ST6GAL1: variants seen among roughly 807,000 people sequenced by gnomAD.
ST6GAL1 encodes the protein beta-galactoside alpha-2,6-sialyltransferase 1.
In ST6GAL1, 20 loss-of-function variants were observed where a neutral mutation model predicts 38.0. The ratio of observed to expected loss-of-function variants is 0.53; its 90% CI spans 0.37 to 0.77. The LOEUF is 0.77. ST6GAL1 is among the 30% of genes least tolerant of loss of function. ST6GAL1 has a pLI of 0.00. For missense variants in ST6GAL1, 432 were observed against 496.4 expected (o/e 0.87, Z 1.23); for synonymous variants, 196 against 188.2 (o/e 1.04, Z -0.34).
Position 186,984,766 on chromosome 3 carries a change from C to T in ST6GAL1, c.-183+20840C>T, listed in dbSNP as rs1477881451. Among the ~76,000 whole-genome samples the T allele has an allele frequency of 5.1e-4, 14 of 27,394 alleles. 1 individual carries two copies. Among genetic ancestry groups the T allele is most frequent in the African/African-American group, 9.2e-4 (7 of 7,594 alleles). 18.0% of individuals were successfully genotyped at this position (27,394 alleles called of 152,430 possible). A position where few individuals can be genotyped will look rare whatever the true frequency, so the allele number is the denominator to read the frequency against. ...TCCCTCCCTCCCTCCCTCCCTCCCT[C>T]CTTCCTTCCTTCCCTTCCTCCCTTC... On this transcript the variant is annotated intron_variant, in intron 2 of 7. Transcript: ENST00000169298.
At chr3:187,008,425 C>T (rs1009277063) in intron 2 of ST6GAL1, among the ~76,000 whole-genome samples, 5 of 152,078 alleles carry the variant, frequency 3.3e-5, no homozygotes, top group African/African-American at 1.2e-4. Flanking sequence ...GTCCATTTCT[C>T]ATCCAAAACC....
At chr3:186,944,900 G>C (rs1714303061) in intron 1 of ST6GAL1, among the ~76,000 whole-genome samples, 2 of 152,196 alleles carry the variant, frequency 1.3e-5, no homozygotes, top group Non-Finnish European at 2.9e-5. Flanking sequence ...CCAGCTGAGA[G>C]GCCATATGCC....
intron 1 of ST6GAL1, among the ~76,000 whole-genome samples, chr3:186,957,586 A>AACATTGAAAGG (rs1302270180): frequency 8.5e-5 from 13 of 152,210 alleles, no homozygotes; most frequent in Admixed American, 7.9e-4. Context: ...AAACTTTGAG[A>AACATTGAAAGG]ACATTGAAAG....
At chr3:186,963,521 T>C (rs1038157516) in intron 1 of ST6GAL1, among the ~76,000 whole-genome samples, 3 of 152,240 alleles carry the variant, frequency 2.0e-5, no homozygotes, top group African/African-American at 7.2e-5. Context: ...TAACCCTTGC[T>C]TTTTCTTACC....
chr3:187,039,361 C>T (rs962203539), intron 3 of ST6GAL1, among the ~76,000 whole-genome samples: 1 of 152,212 alleles, frequency 6.6e-6, no homozygotes. Flanking sequence ...AGTATCCGCT[C>T]TGGTCCAGGC....
intron 2 of ST6GAL1, among the ~76,000 whole-genome samples, chr3:187,023,584 A>G (rs1018168214): frequency 6.6e-6 from 1 of 152,188 alleles, no homozygotes; most frequent in Non-Finnish European, 1.5e-5. Flanking sequence ...CGTCCTTTGT[A>G]GGGACATGGA....
intron 1 of ST6GAL1, among the ~76,000 whole-genome samples, chr3:186,944,412 T>C (rs898768409): frequency 3.3e-5 from 5 of 152,212 alleles, no homozygotes; most frequent in African/African-American, 1.2e-4. Flanking sequence ...GGGACATCTT[T>C]TGCCTATTCT....
chr3:187,007,135 A>G (rs574779899), intron 2 of ST6GAL1, among the ~76,000 whole-genome samples: 1 of 152,366 alleles, frequency 6.6e-6, no homozygotes, highest in African/African-American at 2.4e-5. Flanking sequence ...AACTTGAACA[A>G]TGACTCACGA....
intron 1 of ST6GAL1, chr3:186,942,228 A>G (rs1244439992): frequency 6.6e-6 from 1 of 152,242 alleles, no homozygotes; most frequent in African/African-American, 2.4e-5. Context: ...AAGGTGGAAT[A>G]AGATGGAAGC....
At chr3:186,961,666 T>A (rs1161884414) in intron 1 of ST6GAL1, among the ~76,000 whole-genome samples, 2 of 152,044 alleles carry the variant, frequency 1.3e-5, no homozygotes, top group Admixed American at 1.3e-4. Context: ...ATGAGGCTGG[T>A]CAGCTGGAAA....
At chr3:186,995,848 A>G in intron 2 of ST6GAL1, among the ~76,000 whole-genome samples, 1 of 151,648 alleles carries the variant, frequency 6.6e-6, no homozygotes, top group East Asian at 1.9e-4. Flanking sequence ...TGTCTTGAGA[A>G]AAAAAAAAGA....
Position 187,074,140 on chromosome 3 carries a change from C to A in ST6GAL1, c.805-19C>A. On this transcript the variant is annotated intron_variant, in intron 6 of 7. Coordinates refer to ENST00000169298, the MANE Select transcript of ST6GAL1 (RefSeq NM_173216.2). ...CTGGCCCATTTCTCCCTTGAGAGGA[C>A]CACTTCTTTCTTTTTCAGTGGTACC... 1 of 1,590,818 alleles carries A rather than the reference C, an allele frequency of 6.3e-7. No individual in the cohort carries two copies. Among genetic ancestry groups the A allele is most frequent in the Non-Finnish European group, 8.6e-7 (1 of 1,168,726 alleles).
At position 186,970,317 on chromosome 3, in the gene ST6GAL1, C is replaced by G. The variant is rs989831937; in HGVS notation, c.-183+6391C>G. ...GCAACCACCGCCTCCCAGGTTCAAG[C>G]AGTTCTCCTGCCTCAGCCTCCCAAG... is the stretch of plus-strand genomic sequence containing the variant. On this transcript the variant is annotated intron_variant, in intron 2 of 7. Coordinates refer to ENST00000169298, the MANE Select transcript of ST6GAL1 (RefSeq NM_173216.2). Among the ~76,000 whole-genome samples, 140 of 151,092 alleles carry G rather than the reference C, an allele frequency of 9.3e-4. 1 individual carries two copies. Among genetic ancestry groups the G allele is most frequent in the Non-Finnish European group, 2.7e-4 (18 of 67,846 alleles).
At chr3:186,935,467 C>G (rs578230746) in intron 1 of ST6GAL1, among the ~76,000 whole-genome samples, 4 of 152,064 alleles carry the variant, frequency 2.6e-5, no homozygotes, top group Non-Finnish European at 5.9e-5. Context: ...TGAACATATG[C>G]GCGCATGTGT....
intron 1 of ST6GAL1, among the ~76,000 whole-genome samples, chr3:186,942,132 G>A (rs1381294918): frequency 6.6e-6 from 1 of 152,200 alleles, no homozygotes; most frequent in African/African-American, 2.4e-5. Flanking sequence ...TGACTATGGG[G>A]CAAGAAGCAG....
At position 187,076,976 on chromosome 3, in the gene ST6GAL1, G is replaced by GTTTTT. The variant is rs778042990; in HGVS notation, c.*1181_*1185dup. 0.02 allele frequency: 7,608 copies of GTTTTT among 375,812 alleles called. 386 individuals carry two copies. The highest frequency in any genetic ancestry group is 0.13 in the African/African-American group (6,159 of 46,776). The allele number at this position is 375,812 out of a possible 1,614,324, so 23.3% of individuals were successfully genotyped here. ...CCAAATCTTCTCCTAACCACCATCT[G>GTTTTT]TTTTTTTTTTTTAAAGCATTTTTTG... is the stretch of plus-strand genomic sequence containing the variant. On this transcript the variant is annotated 3_prime_UTR_variant, in exon 8 of 8. Coordinates refer to ENST00000169298, the MANE Select transcript of ST6GAL1 (RefSeq NM_173216.2).
intron 2 of ST6GAL1, among the ~76,000 whole-genome samples, chr3:186,969,232 T>C (rs937875898): frequency 3.9e-5 from 6 of 152,022 alleles, no homozygotes; most frequent in Admixed American, 6.6e-5. Context: ...TTTGTATTTT[T>C]AGTAGAGACG....
chr3:186,961,934 G>A (rs1025369729), intron 1 of ST6GAL1, among the ~76,000 whole-genome samples: 1 of 152,152 alleles, frequency 6.6e-6, no homozygotes, highest in African/African-American at 2.4e-5. Context: ...GCTCCTTGTG[G>A]GTGGCTCCTA....
chr3:187,060,686 A>C (rs1164670431), intron 5 of ST6GAL1, among the ~76,000 whole-genome samples: 2 of 152,228 alleles, frequency 1.3e-5, no homozygotes, highest in African/African-American at 2.4e-5. Context: ...ACAGGTTTTA[A>C]TGTCGCATTA....
Sources: gnomAD v4.1 joint callset for allele counts (sites outside exome capture counted in the v4.1 genomes callset) on GRCh38, gnomAD v4.1.1 for gene constraint, MANE v1.5 for transcripts, NCBI Gene and HGNC (gene_info 2026-07-23, HGNC 2026-07-21) for gene names.